Variants in MAP6D1 observed in about 807,000 individuals in gnomAD.
MAP6D1 encodes MAP6 domain containing 1.
MAP6D1 carries 13 observed loss-of-function variants against 17.4 expected under a neutral mutation model. That is an observed-to-expected ratio of 0.75 (90% CI 0.49 to 1.19). The LOEUF is 1.19. MAP6D1 is among the 50% of genes most tolerant of loss of function. The pLI, the probability that MAP6D1 is intolerant of heterozygous loss-of-function variation, is 0.00. For missense variants in MAP6D1, 313 were observed against 312.6 expected, an observed-to-expected ratio of 1.00 and a Z score of -0.01; for synonymous variants, 141 against 145.7, an observed-to-expected ratio of 0.97 and a Z score of 0.23.
In MAP6D1 at chr3:183,825,343, A is replaced by T; in HGVS notation, c.205T>A (p.Tyr69Asn). 1 of 1,432,156 alleles carries T rather than the reference A, an allele frequency of 7.0e-7. No individual in the cohort carries two copies. Among genetic ancestry groups the T allele is most frequent in the Non-Finnish European group, 9.1e-7 (1 of 1,093,196 alleles). 88.7% of individuals were successfully genotyped at this position (1,432,156 alleles called of 1,614,324 possible). A position where few individuals can be genotyped will look rare whatever the true frequency, so the allele number is the denominator to read the frequency against. ...GTCCACAAGCCGAAGTCCCGCTGGT[A>T]CTGAGTGAGCGGCACGTCCCGGCCG... is the stretch of plus-strand genomic sequence containing the variant. ...DSGRDVPLTQ[Y>N]QRDFGLWTTP... is the part of the protein sequence containing the mutation. Residue 69 changes from tyrosine to asparagine, a missense_variant, in exon 1 of 3, where the codon TAC becomes AAC. Tyr to Asn is a moderately radical substitution (Grantham distance 143, BLOSUM62 -2). Transcript: ENST00000318631.
Position 183,825,163 on chromosome 3 carries a change from C to G in MAP6D1, c.385G>C (p.Val129Leu). The stretch of plus-strand genomic sequence containing the variant: ...AGCCCATACCTGTACGACGTGGTCA[C>G]TGCTGCAGCCGCGTCCGCGTCGCCG... ...PIGDADAAAA[V>L]TTSYRQEFQA... The change falls in exon 1 of 3, where the codon GTG (valine) becomes CTG (leucine). Residue 129 changes from valine to leucine, a missense_variant. Val to Leu is a conservative substitution (Grantham distance 32). Transcript: ENST00000318631. 2.1e-6 allele frequency: 3 copies of G among 1,457,640 alleles called. No individual in the cohort carries two copies. Among genetic ancestry groups the G allele is most frequent in the Non-Finnish European group, 2.7e-6 (3 of 1,102,774 alleles). 90.3% of individuals were successfully genotyped at this position (1,457,640 alleles called of 1,614,324 possible).
intron 1 of MAP6D1, among the ~76,000 whole-genome samples, chr3:183,819,410 TGA>T (rs1236294713): frequency 1.3e-5 from 2 of 152,176 alleles, no homozygotes; most frequent in African/African-American, 2.4e-5. Context: ...ATGCCCACGC[TGA>T]GCCTTGGGCC....
chr3:183,816,330 CTG>C lies in MAP6D1; in HGVS notation c.*1024_*1025del, dbSNP rs1041718485. The C allele has an allele frequency of 1.5e-4, 23 of 152,378 alleles. No individual in the cohort carries two copies. The highest frequency in any genetic ancestry group is 4.6e-4 in the African/African-American group (19 of 41,580). 9.4% of individuals were successfully genotyped at this position (152,378 alleles called of 1,614,324 possible). On this transcript the variant is annotated 3_prime_UTR_variant, in exon 3 of 3. Transcript: ENST00000318631. ...AATCCACAAATTTCCTTACTGAAGA[CTG>C]TCCTGAGCTTGTACCTCTAAGCTTT...
At chr3:183,825,094 G>A (rs1727351296) in intron 1 of MAP6D1, 53 bp downstream of exon 1, 1 of 1,306,954 alleles carries the variant, frequency 7.7e-7, no homozygotes. Context: ...CCGGGCCTCC[G>A]CGTCCTCCCA....
chr3:183,823,325 G>T (rs940723929), intron 1 of MAP6D1, among the ~76,000 whole-genome samples: 2 of 151,942 alleles, frequency 1.3e-5, no homozygotes, highest in Non-Finnish European at 2.9e-5. Context: ...CCCTCATCCG[G>T]GCATGGTGGC....
At chr3:183,821,012 T>G (rs1443124244) in intron 1 of MAP6D1, among the ~76,000 whole-genome samples, 11 of 143,998 alleles carry the variant, frequency 7.6e-5, no homozygotes, top group Middle Eastern at 3.7e-3. Context: ...GGAGAATCGC[T>G]TGAACCCGGG....
chr3:183,824,132 T>G (rs1727318616), intron 1 of MAP6D1, among the ~76,000 whole-genome samples: 1 of 152,236 alleles, frequency 6.6e-6, no homozygotes, highest in Non-Finnish European at 1.5e-5. Flanking sequence ...ACAAGGGGTT[T>G]GTTGTACAAT....
At position 183,818,052 on chromosome 3, in the gene MAP6D1, G is replaced by C. The variant is rs771910480; in HGVS notation, c.461C>G (p.Ala154Gly). 1 of 1,614,170 alleles carries C rather than the reference G, an allele frequency of 6.2e-7. No individual in the cohort carries two copies. Among genetic ancestry groups the C allele is most frequent in the Non-Finnish European group, 8.5e-7 (1 of 1,180,022 alleles). ...CGAAGTGTGGGTTGTGATGACTCGGGCTGGTTTTGTCTTTGTGGATCTTGA... is the reference window on the plus strand; with the variant it reads ...CGAAGTGTGGGTTGTGATGACTCGGCCTGGTTTTGTCTTTGTGGATCTTGA... ...KPSRSTKTKP[A>G]RVITTHTSGW... is the part of the protein sequence containing the mutation. The change falls in exon 2 of 3, where the codon GCC (alanine) becomes GGC (glycine). Residue 154 changes from alanine to glycine, a missense_variant. Coordinates refer to ENST00000318631, the MANE Select transcript of MAP6D1 (RefSeq NM_024871.4).
intron 1 of MAP6D1, among the ~76,000 whole-genome samples, chr3:183,821,803 T>G (rs554724385): frequency 6.6e-6 from 1 of 151,962 alleles, no homozygotes; most frequent in Admixed American, 6.6e-5. Context: ...GCTGGGGTTA[T>G]AGGGGTGAGC....
intron 1 of MAP6D1, among the ~76,000 whole-genome samples, chr3:183,823,531 G>A (rs1026816595): frequency 6.6e-6 from 1 of 152,166 alleles, no homozygotes; most frequent in African/African-American, 2.4e-5. Flanking sequence ...AACCTAGGAG[G>A]CGGAGGTTAC....
At chr3:183,819,807 C>A (rs945877251) in intron 1 of MAP6D1, among the ~76,000 whole-genome samples, 1 of 152,202 alleles carries the variant, frequency 6.6e-6, no homozygotes, top group Non-Finnish European at 1.5e-5. Context: ...GGCTGCTGAC[C>A]CATGTGCCTG....
intron 2 of MAP6D1, 98 bp downstream of exon 2, chr3:183,817,896 A>G (rs2108561373): frequency 2.1e-6 from 2 of 952,382 alleles, no homozygotes; most frequent in Middle Eastern, 2.6e-4. Context: ...GTCCCTGGTC[A>G]TAATTGCATT....
chr3:183,818,456 A>G (rs1462793928), intron 1 of MAP6D1, among the ~76,000 whole-genome samples: 1 of 152,178 alleles, frequency 6.6e-6, no homozygotes. Context: ...CCTGGGTCTC[A>G]TTCAGAACGC....
chr3:183,822,983 G>A (rs1287671606), intron 1 of MAP6D1, among the ~76,000 whole-genome samples: 2 of 152,224 alleles, frequency 1.3e-5, no homozygotes, highest in Non-Finnish European at 2.9e-5. Flanking sequence ...TACTAGGGAT[G>A]TTCTAGCAGA....
intron 1 of MAP6D1, among the ~76,000 whole-genome samples, chr3:183,821,536 G>A (rs1379936686): frequency 7.1e-6 from 1 of 140,600 alleles, no homozygotes; most frequent in African/African-American, 2.7e-5. Context: ...ACAGATGAGG[G>A]ATTGCTTTTT....
At position 183,818,681 on chromosome 3, in the gene MAP6D1, C is replaced by T. The variant is rs558136881; in HGVS notation, c.402-570G>A. 3.3e-5 allele frequency among the ~76,000 whole-genome samples: 5 copies of T among 152,336 alleles called. 1 individual carries two copies. The East Asian group carries it at 9.6e-4, about 29-fold the overall frequency. On this transcript the variant is annotated intron_variant, in intron 1 of 2. Coordinates refer to ENST00000318631, the MANE Select transcript of MAP6D1 (RefSeq NM_024871.4). ...TAAGACTGAAAAGAAAAATAAGGCT[C>T]AGAACTTTTAGTTTTTTATACTTTG...
Position 183,817,334 on chromosome 3 carries a change from C to T in MAP6D1, c.*22G>A. The T allele has an allele frequency of 6.4e-7, 1 of 1,556,150 alleles. No individual in the cohort carries two copies. Among genetic ancestry groups the T allele is most frequent in the Non-Finnish European group, 8.7e-7 (1 of 1,149,894 alleles). On this transcript the variant is annotated 3_prime_UTR_variant, in exon 3 of 3. Transcript: ENST00000318631. ...TCCCCAGCCCTGTCCTGTCGGCAGC[C>T]ATGGTGTCACGGTGCAGGCAGTCAC...
At position 183,818,010 on chromosome 3, in the gene MAP6D1, G is replaced by C. The variant is rs771818432; in HGVS notation, c.503C>G (p.Pro168Arg). Reference protein sequence around the residue: ...TTHTSGWDSSPGAGFQVPEVR... With the variant: ...TTHTSGWDSSRGAGFQVPEVR... ...CCGGCTGACCTGGAAGCCGGCCCCAGGGCTGCTGTCCCATCCCGAAGTGTG... is the reference window on the plus strand; with the variant it reads ...CCGGCTGACCTGGAAGCCGGCCCCACGGCTGCTGTCCCATCCCGAAGTGTG... Residue 168 changes from proline (P) to arginine (R), a missense_variant, in exon 2 of 3, where the codon CCT becomes CGT. Transcript: ENST00000318631. 1 of 1,614,144 alleles carries C rather than the reference G, an allele frequency of 6.2e-7. No individual in the cohort carries two copies. The highest frequency in any genetic ancestry group is 8.5e-7 in the Non-Finnish European group (1 of 1,179,976).
At chr3:183,822,395 C>T (rs1459899600) in intron 1 of MAP6D1, among the ~76,000 whole-genome samples, 1 of 152,054 alleles carries the variant, frequency 6.6e-6, no homozygotes, top group East Asian at 1.9e-4. Flanking sequence ...GAACTGAGAT[C>T]ATGTCCCTGC....
Sources: gnomAD v4.1 joint callset for allele counts (sites outside exome capture counted in the v4.1 genomes callset) on GRCh38, gnomAD v4.1.1 for gene constraint, MANE v1.5 for transcripts, NCBI Gene and HGNC (gene_info 2026-07-23, HGNC 2026-07-21) for gene names.